TUSC3: variants seen among roughly 807,000 people sequenced by gnomAD.
The protein encoded by TUSC3 is dolichyl-diphosphooligosaccharide--protein glycosyltransferase subunit TUSC3.
TUSC3 carries 45 observed loss-of-function variants against 44.8 expected under a neutral mutation model. That is an observed-to-expected ratio of 1.00 (90% CI 0.79 to 1.29). The LOEUF is 1.29. TUSC3 is among the 50% of genes most tolerant of loss of function. TUSC3 has a pLI of 0.00. For missense variants in TUSC3, 519 were observed against 437.9 expected (o/e 1.19, Z -1.65); for synonymous variants, 212 against 152.9 (o/e 1.39, Z -2.85).
chr8:15,616,315 C>A (rs904930566), intron 1 of TUSC3, among the ~76,000 whole-genome samples: 54 of 152,162 alleles, frequency 3.5e-4, no homozygotes, highest in Non-Finnish European at 5.9e-5. Context: ...TGGTGGCTCA[C>A]GCCAGTAATC....
chr8:15,421,856 C>G lies in TUSC3; in HGVS notation n.91+4551C>G, dbSNP rs544322097. Among the ~76,000 whole-genome samples the G allele has an allele frequency of 5.9e-5, 9 of 152,228 alleles. 1 individual carries two copies. Among genetic ancestry groups the G allele is most frequent in the Admixed American group, 5.9e-4 (9 of 15,284 alleles). ...GTAAAAAAATTCAATTTAAACTAGTCTGATTTTATGTTTTCTTAAAATGGA... is the reference window on the plus strand; with the variant it reads ...GTAAAAAAATTCAATTTAAACTAGTGTGATTTTATGTTTTCTTAAAATGGA... On this transcript the variant is annotated intron_variant and non_coding_transcript_variant, in intron 1 of 5. Coordinates refer to the TUSC3 transcript ENST00000503191.
chr8:15,478,743 T>G (rs1433485907), intron 1 of TUSC3, among the ~76,000 whole-genome samples: 1 of 152,190 alleles, frequency 6.6e-6, no homozygotes, highest in East Asian at 1.9e-4. Flanking sequence ...AAAGAACATA[T>G]GTGTGCATGT....
intron 2 of TUSC3, among the ~76,000 whole-genome samples, chr8:15,497,050 A>G (rs1389356386): frequency 2.6e-5 from 4 of 152,246 alleles, no homozygotes; most frequent in Non-Finnish European, 4.4e-5. Context: ...AAATAAACAT[A>G]GTAAATAAGG....
chr8:15,504,629 T>A (rs1217759021), intron 2 of TUSC3, among the ~76,000 whole-genome samples: 44 of 92,350 alleles, frequency 4.8e-4, no homozygotes, highest in Middle Eastern at 5.2e-3. Flanking sequence ...ATATTTTTTT[T>A]TTTTTTTTTT....
intron 10 of TUSC3, among the ~76,000 whole-genome samples, chr8:15,762,023 C>G (rs1031938461): frequency 1.3e-5 from 2 of 151,852 alleles, no homozygotes; most frequent in South Asian, 4.1e-4. Context: ...AACATTCATA[C>G]TGGAACATAC....
At chr8:15,567,418 C>T (rs200082030) in intron 1 of TUSC3, among the ~76,000 whole-genome samples, 1 of 152,112 alleles carries the variant, frequency 6.6e-6, no homozygotes, top group African/African-American at 2.4e-5. Flanking sequence ...TTCAAATCAT[C>T]CATGGAAACT....
chr8:15,460,076 T>C (rs1481736999), intron 1 of TUSC3, among the ~76,000 whole-genome samples: 1 of 152,176 alleles, frequency 6.6e-6, no homozygotes, highest in Non-Finnish European at 1.5e-5. Context: ...CTGGATCAAA[T>C]GGTAGTTCTA....
At chr8:15,470,955 A>AAATGAATGAATGAATG (rs34953309) in intron 1 of TUSC3, among the ~76,000 whole-genome samples, 1 of 151,870 alleles carries the variant, frequency 6.6e-6, no homozygotes, top group African/African-American at 2.4e-5. Context: ...GTGAGTGGGA[A>AAATGAATGAATGAATG]AATGAATGAA....
intron 2 of TUSC3, among the ~76,000 whole-genome samples, chr8:15,519,527 C>A (rs763892288): frequency 1.7e-4 from 26 of 152,056 alleles, no homozygotes; most frequent in Non-Finnish European, 2.9e-4. Context: ...AGCATTATGA[C>A]CTGGGCTCCT....
At chr8:15,696,391 A>T (rs750741922) in intron 6 of TUSC3, among the ~76,000 whole-genome samples, 1 of 152,224 alleles carries the variant, frequency 6.6e-6, no homozygotes, top group Non-Finnish European at 1.5e-5. Context: ...TATAGATTTC[A>T]GAGGATGTAT....
At chr8:15,832,524 G>A in the TUSC3 span, among the ~76,000 whole-genome samples, 1 of 152,132 alleles carries the variant, frequency 6.6e-6, no homozygotes, top group Non-Finnish European at 1.5e-5. Flanking sequence ...TTGGCATGCT[G>A]TCTTCAAGAG....
In TUSC3 at chr8:15,685,910, C is replaced by CACATTTTCCT. The variant is rs5889593; in HGVS notation, c.798+12075_798+12076insCATTTTCCTA. The stretch of plus-strand genomic sequence containing the variant: ...TATTTGTAAGGCTAGTGACTCTGCT[C>CACATTTTCCT]ATATTAATTGTGAAATCAAACATGT... On this transcript the variant is annotated intron_variant, in intron 6 of 10. Coordinates refer to ENST00000503731, the MANE Select transcript of TUSC3 (RefSeq NM_006765.4). Among the ~76,000 whole-genome samples the CACATTTTCCT allele has an allele frequency of 2.0e-5, 3 of 151,600 alleles. No homozygotes were observed. The South Asian group carries it at 6.3e-4, about 32-fold the overall frequency.
At chr8:15,453,678 A>G (rs1277619729) in intron 1 of TUSC3, among the ~76,000 whole-genome samples, 2 of 152,312 alleles carry the variant, frequency 1.3e-5, no homozygotes, top group East Asian at 3.9e-4. Context: ...TTTTACTTAC[A>G]TTAATCACTT....
rs183919824 is a variant in TUSC3 at position 15,685,457 on chromosome 8, T to C, written c.798+11621T>C. Among the ~76,000 whole-genome samples, 10 of 152,306 alleles carry C rather than the reference T, an allele frequency of 6.6e-5. No individual in the cohort carries two copies. The East Asian group carries it at 1.9e-3, about 29-fold the overall frequency. ...TATTTTGGTTCCTCTTGGTGGACAG[T>C]TCCCGGCTGTTTCTAGACATCTTGA... On this transcript the variant is annotated intron_variant, in intron 6 of 10. Transcript: ENST00000503731.
In TUSC3 at chr8:15,709,393, A is replaced by G. The variant is rs888462350; in HGVS notation, c.799-21273A>G. On this transcript the variant is annotated intron_variant, in intron 6 of 10. Coordinates refer to ENST00000503731, the MANE Select transcript of TUSC3 (RefSeq NM_006765.4). ...CTGTTAGAGAAATTAGATTTTGTAT[A>G]TTTTGACTACACGTATTTCCTCGTT... Among the ~76,000 whole-genome samples the G allele has an allele frequency of 3.9e-5, 6 of 152,052 alleles. No homozygotes were observed. The South Asian group carries it at 8.3e-4, about 21-fold the overall frequency.
chr8:15,793,712 G>A, the TUSC3 span, among the ~76,000 whole-genome samples: 29,476 of 152,160 alleles, frequency 0.19, 2,941 homozygotes, highest in South Asian at 0.31. Context: ...TTAATGCATA[G>A]CTTCTTTTGG....
chr8:15,541,195 G>A (rs920862152), intron 1 of TUSC3, among the ~76,000 whole-genome samples: 2 of 152,162 alleles, frequency 1.3e-5, no homozygotes, highest in Non-Finnish European at 2.9e-5. Context: ...TTTATTTTAT[G>A]TGGATTTATT....
At chr8:15,829,585 G>A in the TUSC3 span, among the ~76,000 whole-genome samples, 1 of 151,978 alleles carries the variant, frequency 6.6e-6, no homozygotes, top group African/African-American at 2.4e-5. Flanking sequence ...TTTGACTATA[G>A]TAGATTTTGC....
chr8:15,658,605 AG>A (rs753894986), intron 3 of TUSC3, among the ~76,000 whole-genome samples: 1 of 150,994 alleles, frequency 6.6e-6, no homozygotes, highest in Non-Finnish European at 1.5e-5. Context: ...CCTGGGCAAC[AG>A]AAATTTAATT....
Sources: allele counts gnomAD v4.1 joint callset (sites outside exome capture counted in the v4.1 genomes callset), GRCh38; gene constraint gnomAD v4.1.1; transcripts MANE v1.5; gene names NCBI Gene and HGNC (gene_info 2026-07-23, HGNC 2026-07-21).